Variants in GUCY1A2 observed in about 807,000 individuals in gnomAD.
GUCY1A2 encodes guanylate cyclase 1 soluble subunit alpha 2, also known as guanylate cyclase soluble subunit alpha-2.
GUCY1A2 carries 27 observed loss-of-function variants against 63.5 expected under a neutral mutation model. The observed-to-expected ratio is 0.43, with a 90% confidence interval of 0.31 to 0.59. The LOEUF (loss-of-function observed/expected upper bound fraction) is 0.59, where lower values mean the gene tolerates loss of function less well. Among genes scored for constraint, GUCY1A2 ranks in the 20% least tolerant of loss-of-function variants. GUCY1A2 has a pLI of 0.11. For synonymous variants in GUCY1A2, 364 were observed against 343.5 expected, an observed-to-expected ratio of 1.06 and a Z score of -0.66; for missense variants, 768 against 913.3, an observed-to-expected ratio of 0.84 and a Z score of 2.05.
chr11:106,867,927 T>C (rs1488766460), intron 4 of GUCY1A2, among the ~76,000 whole-genome samples: 2 of 152,030 alleles, frequency 1.3e-5, no homozygotes, highest in Non-Finnish European at 2.9e-5. Context: ...TTGTTCCAAA[T>C]TTATTATTGA....
At chr11:106,961,950 G>C (rs1304205960) in intron 3 of GUCY1A2, among the ~76,000 whole-genome samples, 1 of 152,164 alleles carries the variant, frequency 6.6e-6, no homozygotes, top group African/African-American at 2.4e-5. Context: ...CAATTCTGCT[G>C]TCTGTAGAGC....
At chr11:106,991,976 G>A (rs893493864) in intron 1 of GUCY1A2, among the ~76,000 whole-genome samples, 3 of 152,108 alleles carry the variant, frequency 2.0e-5, no homozygotes, top group Non-Finnish European at 2.9e-5. Context: ...ATTTTTCACA[G>A]TTTATGAAGG....
chr11:106,779,341 C>G (rs1227147495), intron 5 of GUCY1A2, among the ~76,000 whole-genome samples: 3 of 152,060 alleles, frequency 2.0e-5, no homozygotes, highest in Non-Finnish European at 2.9e-5. Context: ...AGGAAGACAC[C>G]CATCAAAGAA....
chr11:106,796,551 T>A (rs1472637819), intron 5 of GUCY1A2, among the ~76,000 whole-genome samples: 1 of 152,186 alleles, frequency 6.6e-6, no homozygotes, highest in Non-Finnish European at 1.5e-5. Context: ...TTTGGCTGGA[T>A]ATGAAATTCT....
intron 6 of GUCY1A2, among the ~76,000 whole-genome samples, chr11:106,740,787 C>CCT (rs1591256949): frequency 6.6e-6 from 1 of 152,112 alleles, no homozygotes; most frequent in African/African-American, 2.4e-5. Flanking sequence ...GATTCTCCTA[C>CCT]CTCAGCCTCC....
intron 4 of GUCY1A2, among the ~76,000 whole-genome samples, chr11:106,923,981 T>C (rs1235172802): frequency 6.6e-6 from 1 of 152,100 alleles, no homozygotes; most frequent in Non-Finnish European, 1.5e-5. Flanking sequence ...ATTATAAGAA[T>C]AAAATATATA....
At chr11:106,866,141 G>T (rs909344823) in intron 4 of GUCY1A2, among the ~76,000 whole-genome samples, 5 of 151,980 alleles carry the variant, frequency 3.3e-5, no homozygotes, top group South Asian at 2.1e-4. Flanking sequence ...GAACATCTAG[G>T]AGCTACTTCT....
chr11:106,675,819 C>T lies in GUCY1A2; in HGVS notation c.*11730G>A, dbSNP rs1163635054. 5.3e-6 allele frequency: 1 copy of T among 187,952 alleles called. No individual in the cohort carries two copies. The highest frequency in any genetic ancestry group is 2.3e-5 in the African/African-American group (1 of 42,780). The allele number at this position is 187,952 out of a possible 1,614,324, so 11.6% of individuals were successfully genotyped here. A position where few individuals can be genotyped will look rare whatever the true frequency, so the allele number is the denominator to read the frequency against. Reference sequence around the variant, plus strand: ...GTAGCTGCCTGTTTTTTCACAATTTCAAAATAAGTCAGTATAGGATAAACA... The same window carrying T: ...GTAGCTGCCTGTTTTTTCACAATTTTAAAATAAGTCAGTATAGGATAAACA... On this transcript the variant is annotated 3_prime_UTR_variant, in exon 8 of 8. Coordinates refer to ENST00000526355, the MANE Select transcript of GUCY1A2 (RefSeq NM_000855.3).
intron 4 of GUCY1A2, among the ~76,000 whole-genome samples, chr11:106,824,629 T>C (rs1858942976): frequency 6.6e-6 from 1 of 152,132 alleles, no homozygotes; most frequent in African/African-American, 2.4e-5. Flanking sequence ...GTAGCCCCTT[T>C]TATTCAAAAT....
intron 3 of GUCY1A2, among the ~76,000 whole-genome samples, chr11:106,953,889 T>C (rs989023683): frequency 5.3e-5 from 8 of 152,286 alleles, no homozygotes; most frequent in Admixed American, 1.3e-4. Context: ...CATTTTTTAT[T>C]GTGTCTACTT....
At chr11:106,880,531 A>G (rs2135471065) in intron 4 of GUCY1A2, among the ~76,000 whole-genome samples, 1 of 152,114 alleles carries the variant, frequency 6.6e-6, no homozygotes, top group African/African-American at 2.4e-5. Flanking sequence ...TGCTATCCCT[A>G]TTGAAATCAA....
At chr11:106,942,090 G>C (rs1326146217) in intron 3 of GUCY1A2, among the ~76,000 whole-genome samples, 1 of 150,292 alleles carries the variant, frequency 6.7e-6, no homozygotes, top group African/African-American at 2.4e-5. Flanking sequence ...AGAAAACAAA[G>C]ACAGACAATA....
intron 4 of GUCY1A2, among the ~76,000 whole-genome samples, chr11:106,862,575 C>A (rs1195298462): frequency 6.6e-6 from 1 of 151,996 alleles, no homozygotes; most frequent in Non-Finnish European, 1.5e-5. Context: ...ACATTTAAAA[C>A]CTTTGTGGGC....
At chr11:106,703,803 C>T (rs552912752) in intron 7 of GUCY1A2, among the ~76,000 whole-genome samples, 7 of 151,580 alleles carry the variant, frequency 4.6e-5, no homozygotes, top group East Asian at 3.9e-4. Context: ...ACTATATATA[C>T]GATTACATAC....
chr11:106,995,379 C>G (rs1405354015), intron 1 of GUCY1A2, among the ~76,000 whole-genome samples: 1 of 152,180 alleles, frequency 6.6e-6, no homozygotes, highest in Non-Finnish European at 1.5e-5. Flanking sequence ...TAGTAAGTGT[C>G]TGAGTCACAA....
Position 106,741,419 on chromosome 11 carries a change from T to A in GUCY1A2, c.1837-32753A>T, listed in dbSNP as rs574748959. Among the ~76,000 whole-genome samples, 8 of 152,226 alleles carry A rather than the reference T, an allele frequency of 5.3e-5. No homozygotes were observed. The East Asian group carries it at 1.5e-3, about 29-fold the overall frequency. ...ATACATGTGAGCTGGGGACCTTACATTTTTATTGAACAAAAAAGGCAGTGC... is the reference window on the plus strand; with the variant it reads ...ATACATGTGAGCTGGGGACCTTACAATTTTATTGAACAAAAAAGGCAGTGC... On this transcript the variant is annotated intron_variant, in intron 6 of 7. Transcript: ENST00000526355.
intron 4 of GUCY1A2, among the ~76,000 whole-genome samples, chr11:106,921,615 A>G (rs565754979): frequency 2.6e-5 from 4 of 152,244 alleles, no homozygotes; most frequent in Non-Finnish European, 5.9e-5. Context: ...ACAACACAAT[A>G]GTCAAACTTC....
chr11:106,870,273 A>G (rs1177996892), intron 4 of GUCY1A2, among the ~76,000 whole-genome samples: 2 of 152,116 alleles, frequency 1.3e-5, no homozygotes, highest in Non-Finnish European at 2.9e-5. Context: ...TATATCTATA[A>G]AAAAACTACA....
rs186868942 is a variant in GUCY1A2, at chr11:106,736,524, G to T, written c.1837-27858C>A. Among the ~76,000 whole-genome samples, 243 of 152,086 alleles carry T rather than the reference G, an allele frequency of 1.6e-3. 1 individual carries two copies. Among genetic ancestry groups the T allele is most frequent in the Non-Finnish European group, 3.1e-3 (209 of 67,974 alleles). ...TTTATGCCAGTACCATGCTGTTTTG[G>T]TTACCATAGCTCTGTAGTATAATTT... On this transcript the variant is annotated intron_variant, in intron 6 of 7. Coordinates refer to ENST00000526355, the MANE Select transcript of GUCY1A2 (RefSeq NM_000855.3).
Sources: allele counts gnomAD v4.1 joint callset (sites outside exome capture counted in the v4.1 genomes callset), GRCh38; gene constraint gnomAD v4.1.1; transcripts MANE v1.5; gene names NCBI Gene and HGNC (gene_info 2026-07-23, HGNC 2026-07-21).